Variants in COLEC11 observed in about 807,000 individuals in gnomAD.
COLEC11 encodes collectin subfamily member 11, also known as collectin-11.
In COLEC11, 20 loss-of-function variants were observed where a neutral mutation model predicts 27.3. The ratio of observed to expected loss-of-function variants is 0.73; its 90% CI spans 0.51 to 1.06. The LOEUF (loss-of-function observed/expected upper bound fraction) is 1.06, where lower values mean the gene tolerates loss of function less well. Ranked by LOEUF, COLEC11 falls within the 50% of genes least tolerant of loss-of-function variation. COLEC11 has a pLI of 0.00. For missense variants in COLEC11, 310 were observed against 383.0 expected (o/e 0.81, Z 1.59); for synonymous variants, 163 against 154.7 (o/e 1.05, Z -0.40).
At chr2:3,603,301 C>T (rs561242384) in intron 1 of COLEC11, 9 of 180,232 alleles carry the variant, frequency 5.0e-5, no homozygotes, top group East Asian at 4.5e-4. Context: ...CTTTGTTTTC[C>T]GAGTTTTATT....
At chr2:3,599,277 G>T (rs1662061296) in intron 1 of COLEC11, among the ~76,000 whole-genome samples, 1 of 152,180 alleles carries the variant, frequency 6.6e-6, no homozygotes, top group Non-Finnish European at 1.5e-5. Context: ...TTCTGTAAGG[G>T]GCTCTGCAGG....
intron 4 of COLEC11, among the ~76,000 whole-genome samples, chr2:3,639,965 C>T (rs978901747): frequency 1.3e-5 from 2 of 152,212 alleles, no homozygotes; most frequent in African/African-American, 4.8e-5. Flanking sequence ...GGAGTGGCCA[C>T]TCACTCATGG....
At position 3,643,737 on chromosome 2, in the gene COLEC11, T is replaced by C. The variant is rs779362328; in HGVS notation, c.435T>C (p.Gly145=). The change falls in exon 7 of 7, where the codon GGT becomes GGC. Residue 145 remains glycine (G), a synonymous_variant. Transcript: ENST00000349077. ...ELKFIKNAVA[G]VRETESKIYL... is the part of the protein sequence containing the mutation. Reference sequence around the variant, plus strand: ...TGCCTTACCCCACAGCTGTCGCCGGTGTGCGCGAGACGGAGAGCAAGATCT... The same window carrying C: ...TGCCTTACCCCACAGCTGTCGCCGGCGTGCGCGAGACGGAGAGCAAGATCT... The C allele has an allele frequency of 1.2e-6, 2 of 1,613,584 alleles. No homozygotes were observed. The highest frequency in any genetic ancestry group is 2.2e-5 in the South Asian group (2 of 91,082).
intron 3 of COLEC11, among the ~76,000 whole-genome samples, chr2:3,629,167 T>G (rs1007885942): frequency 1.7e-4 from 26 of 152,192 alleles, no homozygotes; most frequent in African/African-American, 6.0e-4. Flanking sequence ...CGGCCAAGGG[T>G]TAGTTTCCAA....
At chr2:3,597,343 G>T (rs1661914379) in intron 1 of COLEC11, among the ~76,000 whole-genome samples, 1 of 150,338 alleles carries the variant, frequency 6.7e-6, no homozygotes, top group African/African-American at 2.5e-5. Flanking sequence ...GTGAATGAAT[G>T]GAGTGAAGGC....
rs989599753 is a variant in COLEC11, at chr2:3,637,452, G to T, written c.203-81G>T. ...GTGATGTAGGAAGGAGGGCGGTCGG[G>T]TTATCCGTGCACGTGTGTGATGGAG... On this transcript the variant is annotated intron_variant, in intron 3 of 6. Coordinates refer to ENST00000349077, the MANE Select transcript of COLEC11 (RefSeq NM_024027.5). The T allele has an allele frequency of 4.7e-6, 5 of 1,067,914 alleles. No homozygotes were observed. In the Middle Eastern group the frequency reaches 6.3e-4, roughly 135 times the overall value. The allele number at this position is 1,067,914 out of a possible 1,614,324, so 66.2% of individuals were successfully genotyped here.
In COLEC11 at chr2:3,602,987, C is replaced by T. The variant is rs1335570330; in HGVS notation, c.-26-1328C>T. Among the ~76,000 whole-genome samples the T allele has an allele frequency of 6.6e-6, 1 of 152,260 alleles. No individual in the cohort carries two copies. Among genetic ancestry groups the T allele is most frequent in the Non-Finnish European group, 1.5e-5 (1 of 68,052 alleles). On this transcript the variant is annotated intron_variant, in intron 1 of 6. Transcript: ENST00000349077. The surrounding 1 kb of genome is among the most constrained non-coding windows in gnomAD (Gnocchi z 6.2). Reference sequence around the variant, plus strand: ...TAAAAACATAAATGTTCTTGCTCTACTCCTGGTGCCTAGAGCTGTGCCTGA... The same window carrying T: ...TAAAAACATAAATGTTCTTGCTCTATTCCTGGTGCCTAGAGCTGTGCCTGA...
chr2:3,604,375 T>C lies in COLEC11; in HGVS notation c.35T>C (p.Ile12Thr). 7 of 1,614,244 alleles carry C rather than the reference T, an allele frequency of 4.3e-6. No homozygotes were observed. The highest frequency in any genetic ancestry group is 5.1e-6 in the Non-Finnish European group (6 of 1,180,044). ...RGNLALVGVL[I>T]SLAFLSLLPS... ...AATCTGGCCCTGGTGGGCGTTCTAA[T>C]CAGCCTGGCCTTCCTGTCACTGCTG... is the stretch of plus-strand genomic sequence containing the variant. The change falls in exon 2 of 7, where the codon ATC becomes ACC. Residue 12 changes from isoleucine to threonine, a missense_variant. Coordinates refer to ENST00000349077, the MANE Select transcript of COLEC11 (RefSeq NM_024027.5).
intron 3 of COLEC11, chr2:3,625,994 A>G: frequency 6.2e-7 from 1 of 1,604,358 alleles, no homozygotes; most frequent in Non-Finnish European, 8.5e-7. Flanking sequence ...TAGTCATAAC[A>G]TTGTATTTAC....
chr2:3,630,080 T>C (rs1664875405), intron 3 of COLEC11, among the ~76,000 whole-genome samples: 1 of 152,028 alleles, frequency 6.6e-6, no homozygotes, highest in Admixed American at 6.6e-5. Context: ...TATCTGTTAA[T>C]ATGTGTATGT....
chr2:3,615,973 C>T (rs1663681443), intron 3 of COLEC11, among the ~76,000 whole-genome samples: 1 of 151,110 alleles, frequency 6.6e-6, no homozygotes, highest in South Asian at 2.1e-4. Flanking sequence ...GGGGCGGCTG[C>T]TGGGTGGAGG....
chr2:3,630,974 A>G (rs1481016249), intron 3 of COLEC11, among the ~76,000 whole-genome samples: 1 of 152,160 alleles, frequency 6.6e-6, no homozygotes, highest in African/African-American at 2.4e-5. Flanking sequence ...ATGCAATACA[A>G]TACAGGCCCA....
chr2:3,599,313 G>C, intron 1 of COLEC11, among the ~76,000 whole-genome samples: 1 of 152,250 alleles, frequency 6.6e-6, no homozygotes, highest in African/African-American at 2.4e-5. Context: ...CATCTGGTGC[G>C]CGATGACCCA....
intron 3 of COLEC11, among the ~76,000 whole-genome samples, chr2:3,636,991 T>C (rs58539785): frequency 0.01 from 1,590 of 152,208 alleles, 27 homozygotes; most frequent in African/African-American, 0.036. Context: ...GCAGGTCAGG[T>C]CGGGAGGCAT....
intron 3 of COLEC11, among the ~76,000 whole-genome samples, chr2:3,618,397 T>C (rs915623414): frequency 6.9e-6 from 1 of 145,252 alleles, no homozygotes; most frequent in Non-Finnish European, 1.5e-5. Flanking sequence ...TTCAGTTTTG[T>C]TTTTTTGCAT....
chr2:3,604,106 C>T, intron 1 of COLEC11: 2 of 619,032 alleles, frequency 3.2e-6, no homozygotes, highest in South Asian at 3.8e-5. Flanking sequence ...GCACTTGGTG[C>T]CTGGTGCTGA....
intron 3 of COLEC11, among the ~76,000 whole-genome samples, chr2:3,619,219 TCTTTCCTTTCCC>T (rs1230164136): frequency 6.6e-6 from 1 of 152,192 alleles, no homozygotes; most frequent in East Asian, 1.9e-4. Flanking sequence ...TCTTTCCTTT[TCTTTCCTTTCCC>T]CTTTCCTTTT....
At chr2:3,636,707 CAGGT>C (rs1189191610) in intron 3 of COLEC11, among the ~76,000 whole-genome samples, 7 of 152,158 alleles carry the variant, frequency 4.6e-5, no homozygotes, top group Non-Finnish European at 7.3e-5. Context: ...AACCAGCAGA[CAGGT>C]AGGAGCAGTT....
In COLEC11 at chr2:3,602,882, T is replaced by G. The variant is rs1662337118; in HGVS notation, c.-26-1433T>G. 6.6e-6 allele frequency among the ~76,000 whole-genome samples: 1 copy of G among 152,228 alleles called. No homozygotes were observed. Among genetic ancestry groups the G allele is most frequent in the African/African-American group, 2.4e-5 (1 of 41,462 alleles). ...AGCATGTGTCCCGGCCACTGGACTC[T>G]GCCTCACTCTTCCCCACGGCGCTTA... is the stretch of plus-strand genomic sequence containing the variant. On this transcript the variant is annotated intron_variant, in intron 1 of 6. Coordinates refer to ENST00000349077, the MANE Select transcript of COLEC11 (RefSeq NM_024027.5). This position sits in a 1 kb window ranked among gnomAD's most constrained non-coding sequence, Gnocchi z 6.2.
Sources: allele counts gnomAD v4.1 joint callset (sites outside exome capture counted in the v4.1 genomes callset), GRCh38; gene constraint gnomAD v4.1.1; non-coding constraint Gnocchi (gnomAD v3.1); transcripts MANE v1.5; gene names NCBI Gene and HGNC (gene_info 2026-07-23, HGNC 2026-07-21).